Variants in PRKCE observed in about 807,000 individuals in gnomAD.
The protein encoded by PRKCE is protein kinase C epsilon, also known as protein kinase C epsilon type.
A neutral mutation model predicts 85.4 loss-of-function variants in PRKCE; 16 were observed. The observed-to-expected ratio is 0.19, with a 90% CI of 0.13 to 0.28. The LOEUF (loss-of-function observed/expected upper bound fraction) is 0.28, where lower values mean the gene tolerates loss of function less well. PRKCE is among the 10% of genes least tolerant of loss of function. PRKCE has a pLI of 1.00. For synonymous variants in PRKCE, 388 were observed against 371.5 expected, an observed-to-expected ratio of 1.04 and a Z score of -0.51; for missense variants, 573 against 975.2, an observed-to-expected ratio of 0.59 and a Z score of 5.49.
chr2:45,658,399 A>T (rs618526), intron 1 of PRKCE, among the ~76,000 whole-genome samples: 131,437 of 151,562 alleles, frequency 0.87, 57,094 homozygotes, highest in African/African-American at 0.92. Flanking sequence ...GCGTTGTTTG[A>T]ACTGTTTCTT....
chr2:45,712,448 G>A (rs931017442), intron 1 of PRKCE, among the ~76,000 whole-genome samples: 10 of 151,926 alleles, frequency 6.6e-5, no homozygotes, highest in East Asian at 3.9e-4. Context: ...GAGTCACTGC[G>A]CCCGGCCTGT....
chr2:45,690,511 T>G (rs1473220102), intron 1 of PRKCE, among the ~76,000 whole-genome samples: 1 of 152,232 alleles, frequency 6.6e-6, no homozygotes, highest in Non-Finnish European at 1.5e-5. Context: ...CGTGTGAGAA[T>G]TGTTGTTCCT....
intron 2 of PRKCE, among the ~76,000 whole-genome samples, chr2:45,956,429 C>G (rs1466755105): frequency 6.6e-6 from 1 of 151,758 alleles, no homozygotes; most frequent in African/African-American, 2.4e-5. Context: ...CCTATAATCC[C>G]AGCAGTTTGG....
In PRKCE at chr2:45,907,830, G is replaced by C. The variant is rs1382920410; in HGVS notation, c.412+64767G>C. ...AGTCCCTACTTCACAGCCTCACCGT[G>C]CCCATCCTCTGAGCTAATAATACTT... On this transcript the variant is annotated intron_variant, in intron 2 of 14. Coordinates refer to ENST00000306156, the MANE Select transcript of PRKCE (RefSeq NM_005400.3). This position sits in a 1 kb window ranked among gnomAD's most constrained non-coding sequence, Gnocchi z 4.5. 2.6e-5 allele frequency among the ~76,000 whole-genome samples: 4 copies of C among 152,150 alleles called. No individual in the cohort carries two copies. Among genetic ancestry groups the C allele is most frequent in the African/African-American group, 9.7e-5 (4 of 41,430 alleles).
intron 10 of PRKCE, among the ~76,000 whole-genome samples, chr2:46,015,037 C>T (rs540274626): frequency 2.6e-4 from 39 of 152,292 alleles, no homozygotes; most frequent in African/African-American, 9.1e-4. Flanking sequence ...TCTACAAGAT[C>T]AGATGCCTAT....
chr2:45,886,344 C>G (rs1336343120), intron 2 of PRKCE, among the ~76,000 whole-genome samples: 1 of 152,222 alleles, frequency 6.6e-6, no homozygotes, highest in East Asian at 1.9e-4. Context: ...TGTTCTGTCT[C>G]TTCCTGAGAA....
intron 2 of PRKCE, among the ~76,000 whole-genome samples, chr2:45,944,598 C>T (rs914576541): frequency 1.4e-4 from 21 of 151,884 alleles, no homozygotes; most frequent in Non-Finnish European, 2.8e-4. Context: ...GAATGATACT[C>T]CCGCCTCAGT....
intron 2 of PRKCE, among the ~76,000 whole-genome samples, chr2:45,945,408 G>C (rs769896415): frequency 4.6e-5 from 7 of 152,138 alleles, no homozygotes; most frequent in Non-Finnish European, 8.8e-5. Context: ...TGGATCTCAT[G>C]TGAACTCAGA....
At chr2:45,672,390 C>G (rs143236668) in intron 1 of PRKCE, among the ~76,000 whole-genome samples, 1 of 152,116 alleles carries the variant, frequency 6.6e-6, no homozygotes, top group Non-Finnish European at 1.5e-5. Context: ...ATCCATCCAT[C>G]CATCCATCTA....
intron 13 of PRKCE, among the ~76,000 whole-genome samples, chr2:46,156,948 A>G (rs554871575): frequency 1.2e-4 from 19 of 152,340 alleles, no homozygotes; most frequent in African/African-American, 4.1e-4. Flanking sequence ...AGCAATACAA[A>G]TATAACTTCT....
intron 1 of PRKCE, among the ~76,000 whole-genome samples, chr2:45,662,931 T>G (rs914555304): frequency 4.6e-5 from 7 of 152,344 alleles, no homozygotes; most frequent in African/African-American, 1.7e-4. Context: ...CCTATCTCCC[T>G]GCCTTCTGCA....
intron 1 of PRKCE, among the ~76,000 whole-genome samples, chr2:45,808,974 G>A (rs1416057757): frequency 6.6e-6 from 1 of 152,010 alleles, no homozygotes; most frequent in Non-Finnish European, 1.5e-5. Context: ...ACTGTACCCG[G>A]CTCTAATCTG....
In PRKCE at chr2:46,155,427, G is replaced by A. The variant is rs759584923; in HGVS notation, c.1921-4179G>A. 2.1e-4 allele frequency among the ~76,000 whole-genome samples: 32 copies of A among 152,024 alleles called. No homozygotes were observed. Among genetic ancestry groups the A allele is most frequent in the Non-Finnish European group, 2.8e-4 (19 of 67,976 alleles). ...CCGCCTCTCTTGTTCCTCAGGCCTG[G>A]GCCCCGGGTCCTCTGGGTACCCTGT... On this transcript the variant is annotated intron_variant, in intron 13 of 14. Coordinates refer to ENST00000306156, the MANE Select transcript of PRKCE (RefSeq NM_005400.3). This position sits in a 1 kb window ranked among gnomAD's most constrained non-coding sequence, Gnocchi z 4.7.
intron 2 of PRKCE, among the ~76,000 whole-genome samples, chr2:45,912,237 AT>A (rs1376766288): frequency 6.6e-6 from 1 of 152,170 alleles, no homozygotes; most frequent in Non-Finnish European, 1.5e-5. Flanking sequence ...GGAAGGTGTT[AT>A]CCCGTGACAG....
intron 10 of PRKCE, 147 bp downstream of exon 10, chr2:46,010,664 A>G: frequency 1.3e-6 from 2 of 1,598,978 alleles, no homozygotes; most frequent in Non-Finnish European, 1.7e-6. Flanking sequence ...GATGTATTTG[A>G]ACAGCATCTT....
At chr2:46,090,477 T>G (rs1290672423) in intron 11 of PRKCE, among the ~76,000 whole-genome samples, 2 of 152,174 alleles carry the variant, frequency 1.3e-5, no homozygotes, top group African/African-American at 4.8e-5. Context: ...CTGAGAGTGC[T>G]TACCTAGTTG....
intron 10 of PRKCE, among the ~76,000 whole-genome samples, chr2:46,060,990 G>A (rs866457350): frequency 6.6e-6 from 1 of 151,594 alleles, no homozygotes; most frequent in Non-Finnish European, 1.5e-5. Flanking sequence ...TTGAACTCCC[G>A]ACCTCAAGTG....
intron 10 of PRKCE, among the ~76,000 whole-genome samples, chr2:46,060,428 T>G (rs1353927196): frequency 6.6e-6 from 1 of 152,098 alleles, no homozygotes; most frequent in African/African-American, 2.4e-5. Flanking sequence ...GGCAAAGCAG[T>G]GAGGGTTAAG....
chr2:45,658,663 T>C (rs4538251), intron 1 of PRKCE, among the ~76,000 whole-genome samples: 40,545 of 152,178 alleles, frequency 0.27, 6,076 homozygotes, highest in Admixed American at 0.35. Flanking sequence ...ATAAAGCTTG[T>C]AGCAAGTGGT....
Sources: allele counts gnomAD v4.1 joint callset (sites outside exome capture counted in the v4.1 genomes callset), GRCh38; gene constraint gnomAD v4.1.1; non-coding constraint Gnocchi (gnomAD v3.1); transcripts MANE v1.5; gene names NCBI Gene and HGNC (gene_info 2026-07-23, HGNC 2026-07-21).